GCC2: variants seen among roughly 807,000 people sequenced by gnomAD.
GCC2 encodes the protein GRIP and coiled-coil domain-containing protein 2.
In GCC2, 120 loss-of-function variants were observed where a neutral mutation model predicts 210.6. The ratio of observed to expected loss-of-function variants is 0.57; its 90% CI spans 0.49 to 0.66. The LOEUF (loss-of-function observed/expected upper bound fraction) is 0.66, where lower values mean the gene tolerates loss of function less well. Among genes scored for constraint, GCC2 ranks in the 30% least tolerant of loss-of-function variants. The pLI is 0.00. For synonymous variants in GCC2, 703 were observed against 652.7 expected, an observed-to-expected ratio of 1.08 and a Z score of -1.17; for missense variants, 1,868 against 1,871.9, an observed-to-expected ratio of 1.00 and a Z score of 0.04.
intron 4 of GCC2, among the ~76,000 whole-genome samples, chr2:108,461,831 TTTTTC>T (rs1421607215): frequency 3.9e-5 from 4 of 101,982 alleles, no homozygotes; most frequent in Admixed American, 8.5e-5. Context: ...TTTTTTTTTC[TTTTTC>T]TTTTTTTTTT....
At chr2:108,498,191 T>C in intron 21 of GCC2, among the ~76,000 whole-genome samples, 1 of 114,108 alleles carries the variant, frequency 8.8e-6, no homozygotes, top group South Asian at 3.3e-4. Flanking sequence ...TTCTTTTTTT[T>C]TTTTTTTTTT....
chr2:108,474,050 C>T (rs1020716318), intron 7 of GCC2, among the ~76,000 whole-genome samples: 2 of 151,720 alleles, frequency 1.3e-5, no homozygotes, highest in Middle Eastern at 3.4e-3. Context: ...CACAGCTACT[C>T]GGGAGGCTGA....
chr2:108,478,237 T>TTGTATAGTTC (rs372903557), intron 9 of GCC2, among the ~76,000 whole-genome samples: 15 of 152,006 alleles, frequency 9.9e-5, no homozygotes, highest in African/African-American at 3.6e-4. Context: ...ATACTAATTC[T>TTGTATAGTTC]TTGTCATGTA....
At chr2:108,488,515 C>T (rs1002304386) in intron 17 of GCC2, among the ~76,000 whole-genome samples, 1 of 152,104 alleles carries the variant, frequency 6.6e-6, no homozygotes, top group Non-Finnish European at 1.5e-5. Context: ...ACTTATTTGC[C>T]ATTAATTTAG....
At position 108,470,003 on chromosome 2, in the gene GCC2, C is replaced by T. The variant is rs1681104951; in HGVS notation, c.674C>T (p.Ala225Val). ...TVTQLQNIIE[A>V]NSQHYQKNIN... ...ACTCAACTCCAAAATATCATTGAGG[C>T]TAATTCTCAGCATTACCAAAAAAAT... Residue 225 changes from alanine to valine, a missense_variant, in exon 6 of 23, where the codon GCT becomes GTT. By Grantham distance (64) the Ala-to-Val change is moderately conservative. This residue lies in a region of GCC2 where 1,847 missense variants were observed against 1,765.2 expected (regional missense o/e 1.05). Transcript: ENST00000309863. The T allele has an allele frequency of 6.2e-7, 1 of 1,612,386 alleles. No individual in the cohort carries two copies. Among genetic ancestry groups the T allele is most frequent in the Non-Finnish European group, 8.5e-7 (1 of 1,179,000 alleles).
intron 9 of GCC2, among the ~76,000 whole-genome samples, chr2:108,478,436 A>G (rs560532194): frequency 1.3e-5 from 2 of 152,308 alleles, no homozygotes; most frequent in East Asian, 3.9e-4. Flanking sequence ...GATACTGAGT[A>G]ATTTTTGGAG....
intron 17 of GCC2, among the ~76,000 whole-genome samples, chr2:108,488,808 T>C (rs1682269335): frequency 6.6e-6 from 1 of 152,226 alleles, no homozygotes; most frequent in Admixed American, 6.5e-5. Context: ...TCTGAAATTT[T>C]TGTATGTTTA....
intron 11 of GCC2, among the ~76,000 whole-genome samples, chr2:108,482,801 C>T (rs187612942): frequency 2.0e-5 from 3 of 152,182 alleles, no homozygotes; most frequent in South Asian, 2.1e-4. Flanking sequence ...CTCAGCCTCC[C>T]GAGTAGCTGG....
rs370453746 is a variant in GCC2, at chr2:108,449,678, G to A, written c.52G>A (p.Gly18Arg). ...GGCTTCACCAGCTACCCCTGGGACC[G>A]GGAAATCTAAGGTGAAGAGAATACT... is the stretch of plus-strand genomic sequence containing the variant. ...GVASPATPGT[G>R]KSKLETLPKE... Residue 18 changes from glycine (G) to arginine (R), a missense_variant, in exon 2 of 23, where the codon GGG becomes AGG. By Grantham distance (125) the Gly-to-Arg change is moderately radical (BLOSUM62 -2). Coordinates refer to ENST00000309863, the MANE Select transcript of GCC2 (RefSeq NM_181453.4). 1.9e-6 allele frequency: 3 copies of A among 1,612,852 alleles called. No individual in the cohort carries two copies. The African/African-American group carries it at 4.0e-5, about 22-fold the overall frequency.
Position 108,471,418 on chromosome 2 carries a change from C to A in GCC2, c.2089C>A (p.Leu697Ile). The A allele has an allele frequency of 6.2e-7, 1 of 1,606,458 alleles. No homozygotes were observed. Among genetic ancestry groups the A allele is most frequent in the East Asian group, 2.2e-5 (1 of 44,776 alleles). The change falls in exon 6 of 23, where the codon CTC becomes ATC. Residue 697 changes from leucine to isoleucine, a missense_variant. Coordinates refer to ENST00000309863, the MANE Select transcript of GCC2 (RefSeq NM_181453.4). ...VKSLYEENNK[L>I]SSEKKQLSRD... ...GTCTCTTTATGAGGAAAACAATAAA[C>A]TCAGTTCAGAAAAAAAACAGTTGAG...
intron 9 of GCC2, among the ~76,000 whole-genome samples, chr2:108,479,941 C>T (rs1314511290): frequency 6.9e-6 from 1 of 144,164 alleles, no homozygotes; most frequent in African/African-American, 2.6e-5. Context: ...AAGGTCACGC[C>T]ACTGCACTCC....
At chr2:108,493,333 C>T (rs1682498025) in intron 19 of GCC2, 1 of 775,676 alleles carries the variant, frequency 1.3e-6, no homozygotes, top group South Asian at 5.7e-5. Context: ...CGTGATCCAC[C>T]CGCCTCGGCC....
chr2:108,466,518 G>C (rs1680898651), intron 4 of GCC2, among the ~76,000 whole-genome samples: 1 of 151,602 alleles, frequency 6.6e-6, no homozygotes, highest in Non-Finnish European at 1.5e-5. Context: ...TGTCACCCAG[G>C]CTGGAGTGCA....
intron 6 of GCC2, 95 bp downstream of exon 6, chr2:108,472,211 A>C (rs1681271695): frequency 1.1e-6 from 1 of 888,364 alleles, no homozygotes; most frequent in Admixed American, 3.1e-5. Context: ...CGTCAAAAGT[A>C]AATTTTTACC....
chr2:108,493,202 G>T, intron 19 of GCC2: 1 of 260,124 alleles, frequency 3.8e-6, no homozygotes, highest in Non-Finnish European at 6.9e-6. Flanking sequence ...CCATTTTCCT[G>T]CCTCAGCCTT....
At chr2:108,480,880 G>A (rs1463220839) in intron 9 of GCC2, among the ~76,000 whole-genome samples, 2 of 152,106 alleles carry the variant, frequency 1.3e-5, no homozygotes, top group African/African-American at 4.8e-5. Context: ...TAACAAACCT[G>A]CACATGTACC....
At chr2:108,490,806 A>G (rs1682369457) in intron 18 of GCC2, among the ~76,000 whole-genome samples, 1 of 152,190 alleles carries the variant, frequency 6.6e-6, no homozygotes, top group East Asian at 1.9e-4. Flanking sequence ...TGTTTGCTTG[A>G]TATTCTCCAA....
At chr2:108,459,871 A>G (rs1351622495) in intron 4 of GCC2, among the ~76,000 whole-genome samples, 4 of 147,378 alleles carry the variant, frequency 2.7e-5, no homozygotes, top group Non-Finnish European at 6.0e-5. Context: ...CAGAGGTTGT[A>G]GTGAGCGGAG....
At chr2:108,498,277 T>C (rs1682749542) in intron 21 of GCC2, among the ~76,000 whole-genome samples, 1 of 131,056 alleles carries the variant, frequency 7.6e-6, no homozygotes, top group African/African-American at 2.8e-5. Flanking sequence ...CTCACTGCAA[T>C]CTCCGCCTCC....
Sources: allele counts gnomAD v4.1 joint callset (sites outside exome capture counted in the v4.1 genomes callset), GRCh38; gene constraint gnomAD v4.1.1; regional missense constraint gnomAD v4.1.1; transcripts MANE v1.5; gene names NCBI Gene and HGNC (gene_info 2026-07-23, HGNC 2026-07-21).